The following MAL2 variants were observed in gnomAD, a reference collection of about 807,000 sequenced individuals.
MAL2 encodes the protein protein MAL2.
A neutral mutation model predicts 18.1 loss-of-function variants in MAL2; 17 were observed. The observed-to-expected ratio is 0.94, with a 90% CI of 0.64 to 1.41. MAL2 has a LOEUF of 1.41. Ranked by LOEUF, MAL2 falls within the 40% of genes most tolerant of loss-of-function variation. MAL2 has a pLI of 0.00. For synonymous variants in MAL2, 102 were observed against 102.3 expected (o/e 1.00, Z 0.02); for missense variants, 222 against 231.9 (o/e 0.96, Z 0.28).
At chr8:119,215,143 A>G (rs1817328378) in intron 1 of MAL2, 1 of 152,368 alleles carries the variant, frequency 6.6e-6, no homozygotes, top group Non-Finnish European at 1.5e-5. Context: ...TTCAACTGGC[A>G]AGAGGTACAA....
chr8:119,237,166 A>T (rs186491271), intron 2 of MAL2, among the ~76,000 whole-genome samples: 1 of 151,590 alleles, frequency 6.6e-6, no homozygotes, highest in South Asian at 2.1e-4. Flanking sequence ...ACACCTCTAC[A>T]CAAATAAACT....
In MAL2 at chr8:119,231,139, C is replaced by T. The variant is rs560735465; in HGVS notation, c.304-9026C>T. ...CTCCACCTCCCAGGTTCACACCATT[C>T]TCCTGCCTCAGCCTCCCAAGTAGCT... On this transcript the variant is annotated intron_variant, in intron 2 of 3. Transcript: ENST00000614891. 9.9e-5 allele frequency among the ~76,000 whole-genome samples: 15 copies of T among 152,284 alleles called. No homozygotes were observed. In the East Asian group the frequency reaches 2.7e-3, roughly 28 times the overall value.
chr8:119,224,776 C>G (rs1415057782), intron 2 of MAL2, among the ~76,000 whole-genome samples: 1 of 152,150 alleles, frequency 6.6e-6, no homozygotes, highest in African/African-American at 2.4e-5. Flanking sequence ...TTCCCACTTA[C>G]AACTGAGAAC....
In MAL2 at chr8:119,233,508, C is replaced by T. The variant is rs563763457; in HGVS notation, c.304-6657C>T. Among the ~76,000 whole-genome samples the T allele has an allele frequency of 2.6e-5, 4 of 152,240 alleles. No homozygotes were observed. In the East Asian group the frequency reaches 7.7e-4, roughly 29 times the overall value. Reference sequence around the variant, plus strand: ...GACGAAGGGGATAGCAGCACTGATCCACAGAAATACAAACTACCATCAGAG... The same window carrying T: ...GACGAAGGGGATAGCAGCACTGATCTACAGAAATACAAACTACCATCAGAG... On this transcript the variant is annotated intron_variant, in intron 2 of 3. Transcript: ENST00000614891.
chr8:119,222,221 A>T (rs1368162783), intron 2 of MAL2, among the ~76,000 whole-genome samples: 1 of 152,078 alleles, frequency 6.6e-6, no homozygotes, highest in African/African-American at 2.4e-5. Context: ...ATTAAAAAGA[A>T]TTGGTGAGTT....
At chr8:119,218,407 G>A (rs949007912) in intron 1 of MAL2, among the ~76,000 whole-genome samples, 25 of 152,082 alleles carry the variant, frequency 1.6e-4, no homozygotes, top group African/African-American at 5.8e-4. Flanking sequence ...AGCCTCTGCT[G>A]TCAAAGCCTT....
chr8:119,230,277 T>A (rs1231220697), intron 2 of MAL2, among the ~76,000 whole-genome samples: 1 of 152,142 alleles, frequency 6.6e-6, no homozygotes, highest in Non-Finnish European at 1.5e-5. Flanking sequence ...CTGGATAGGA[T>A]GACCCAAGCA....
At chr8:119,231,045 G>GTTTTGAGGCAGAGTCTT (rs1817713378) in intron 2 of MAL2, among the ~76,000 whole-genome samples, 1 of 151,306 alleles carries the variant, frequency 6.6e-6, no homozygotes, top group Non-Finnish European at 1.5e-5. Flanking sequence ...TTTTTTGTTT[G>GTTTTGAGGCAGAGTCTT]TTTTGAGGCA....
At chr8:119,214,535 A>C (rs931776112) in intron 1 of MAL2, among the ~76,000 whole-genome samples, 2 of 152,142 alleles carry the variant, frequency 1.3e-5, no homozygotes, top group Non-Finnish European at 2.9e-5. Context: ...CTTTAAACTA[A>C]AAGTGATAAC....
chr8:119,235,137 A>C (rs1285799552), intron 2 of MAL2, among the ~76,000 whole-genome samples: 5 of 152,168 alleles, frequency 3.3e-5, no homozygotes, highest in African/African-American at 1.2e-4. Flanking sequence ...GCTGAAAACC[A>C]AGGCTCGAGA....
At chr8:119,218,758 G>C (rs959037049) in intron 1 of MAL2, among the ~76,000 whole-genome samples, 1 of 152,134 alleles carries the variant, frequency 6.6e-6, no homozygotes, top group Admixed American at 6.5e-5. Context: ...CTCCTCTTTA[G>C]AGGTGTGAAT....
At chr8:119,229,313 C>CTTT (rs60554580) in intron 2 of MAL2, among the ~76,000 whole-genome samples, 10 of 137,480 alleles carry the variant, frequency 7.3e-5, no homozygotes, top group East Asian at 4.4e-4. Context: ...CTGTGGGCCT[C>CTTT]TTTTTTTTTT....
In MAL2 at chr8:119,208,602, A is replaced by G. The variant is rs1181564454; in HGVS notation, c.130A>G (p.Ile44Val). 1 of 1,341,458 alleles carries G rather than the reference A, an allele frequency of 7.5e-7. No individual in the cohort carries two copies. Among genetic ancestry groups the G allele is most frequent in the Admixed American group, 3.3e-5 (1 of 30,194 alleles). The allele number at this position is 1,341,458 out of a possible 1,614,324, so 83.1% of individuals were successfully genotyped here. A position where few individuals can be genotyped will look rare whatever the true frequency, so the allele number is the denominator to read the frequency against. ...TYSGAFVCLE[I>V]LFGGLVWILV... The stretch of plus-strand genomic sequence containing the variant: ...CTCGGGCGCCTTCGTCTGCCTGGAG[A>G]TTGTAAGTGGGGCCGCCGGAGCGAG... The change falls in exon 1 of 4, where the codon ATT (isoleucine) becomes GTT (valine). Residue 44 changes from isoleucine to valine, a missense_variant and splice_region_variant. By Grantham distance (29) the Ile-to-Val change is conservative. Transcript: ENST00000614891. This position sits in a 1 kb window ranked among gnomAD's most constrained non-coding sequence, Gnocchi z 4.3.
chr8:119,224,900 T>C (rs1039529939), intron 2 of MAL2, among the ~76,000 whole-genome samples: 1 of 152,200 alleles, frequency 6.6e-6, no homozygotes, highest in Admixed American at 6.5e-5. Context: ...TCTGGCCCCA[T>C]ATTCATTTGC....
chr8:119,233,449 AAGAG>A, intron 2 of MAL2, among the ~76,000 whole-genome samples: 1 of 149,934 alleles, frequency 6.7e-6, no homozygotes, highest in Non-Finnish European at 1.5e-5. Flanking sequence ...TAAAGAAGAA[AAGAG>A]AGAAGAATCA....
chr8:119,237,147 A>G (rs1817923143), intron 2 of MAL2, among the ~76,000 whole-genome samples: 1 of 152,176 alleles, frequency 6.6e-6, no homozygotes, highest in Admixed American at 6.5e-5. Flanking sequence ...CCATCAGAGA[A>G]TACTACAAAC....
chr8:119,239,462 C>G (rs972841450), intron 2 of MAL2, among the ~76,000 whole-genome samples: 1 of 152,020 alleles, frequency 6.6e-6, no homozygotes, highest in African/African-American at 2.4e-5. Flanking sequence ...TATAAAGACA[C>G]ATGCACATGT....
chr8:119,243,453 A>C lies in MAL2; in HGVS notation c.496A>C (p.Ser166Arg). ...AFMTTACYGCSLGLALRRWRP is the reference protein window; with the variant it reads ...AFMTTACYGCRLGLALRRWRP ...TATGACGACAGCTTGTTATGGTTGC[A>C]GTTTGGGTCTGGCTTTACGAAGATG... The change falls in exon 4 of 4, where the codon AGT becomes CGT. Residue 166 changes from serine to arginine, a missense_variant. Ser to Arg is a moderately radical substitution (Grantham distance 110). Transcript: ENST00000614891. 1 of 1,601,372 alleles carries C rather than the reference A, an allele frequency of 6.2e-7. No homozygotes were observed. Among genetic ancestry groups the C allele is most frequent in the South Asian group, 1.1e-5 (1 of 88,610 alleles).
intron 1 of MAL2, among the ~76,000 whole-genome samples, chr8:119,219,412 T>C (rs906328808): frequency 3.8e-4 from 58 of 152,214 alleles, no homozygotes; most frequent in African/African-American, 1.1e-3. Flanking sequence ...AAATGCAATG[T>C]ACAGATGAGT....
Sources: allele counts gnomAD v4.1 joint callset (sites outside exome capture counted in the v4.1 genomes callset), GRCh38; gene constraint gnomAD v4.1.1; non-coding constraint Gnocchi (gnomAD v3.1); transcripts MANE v1.5; gene names NCBI Gene and HGNC (gene_info 2026-07-23, HGNC 2026-07-21).